Variants in FNBP1 observed in about 807,000 individuals in gnomAD.
FNBP1 encodes the protein formin-binding protein 1.
Under a neutral mutation model 90.6 loss-of-function variants are expected in FNBP1, and 26 were observed. The observed-to-expected ratio is 0.29, with a 90% CI of 0.21 to 0.40. The LOEUF is 0.40. FNBP1 is among the 10% of genes least tolerant of loss of function. FNBP1 has a pLI of 1.00. For missense variants in FNBP1, 635 were observed against 768.0 expected (o/e 0.83, Z 2.05); for synonymous variants, 260 against 265.2 (o/e 0.98, Z 0.19).
intron 9 of FNBP1, 104 bp downstream of exon 9, chr9:129,924,856 G>A: frequency 1.0e-6 from 1 of 993,256 alleles, no homozygotes; most frequent in East Asian, 2.6e-5. Context: ...TTCTTCTTTT[G>A]CATTCTGAAA....
intron 1 of FNBP1, among the ~76,000 whole-genome samples, chr9:130,019,372 AT>A (rs963480764): frequency 6.6e-6 from 1 of 151,782 alleles, no homozygotes; most frequent in African/African-American, 2.4e-5. Flanking sequence ...CAGCCAAATG[AT>A]TTTTTTTGGA....
the FNBP1 span, among the ~76,000 whole-genome samples, chr9:130,048,491 C>CTTTTTTTT: frequency 0.26 from 27,251 of 104,122 alleles, 5,751 homozygotes; most frequent in East Asian, 0.49. Context: ...CCTCAGTTTC[C>CTTTTTTTT]TTTTTTTTTT....
rs768739082 is a variant in FNBP1 at position 129,908,742 on chromosome 9, G to C, written c.1295+148C>G. 2.0e-5 allele frequency: 11 copies of C among 553,972 alleles called. No individual in the cohort carries two copies. The Admixed American group carries it at 3.1e-4, about 15-fold the overall frequency. The allele number at this position is 553,972 out of a possible 1,614,324, so 34.3% of individuals were successfully genotyped here. Reference sequence around the variant, plus strand: ...TAGTTTTTATATTTTTAGTAGAGACGGGGTTTCACCATGTAGGCCAGGATG... The same window carrying C: ...TAGTTTTTATATTTTTAGTAGAGACCGGGTTTCACCATGTAGGCCAGGATG... On this transcript the variant is annotated intron_variant, in intron 12 of 16. Transcript: ENST00000446176.
chr9:129,906,226 T>C (rs1041679977), intron 12 of FNBP1, among the ~76,000 whole-genome samples: 2 of 152,214 alleles, frequency 1.3e-5, no homozygotes, highest in Non-Finnish European at 2.9e-5. Flanking sequence ...AATTGCAGAA[T>C]ATAGATAATA....
intron 1 of FNBP1, among the ~76,000 whole-genome samples, chr9:130,011,996 C>A (rs927712773): frequency 2.0e-5 from 3 of 152,202 alleles, no homozygotes; most frequent in Non-Finnish European, 4.4e-5. Context: ...ACACCAGATA[C>A]TGACTTATTC....
chr9:129,928,665 A>AAAAAAAAG lies in FNBP1; in HGVS notation c.642+894_642+901dup, dbSNP rs1028292353. On this transcript the variant is annotated intron_variant, in intron 7 of 16. Coordinates refer to ENST00000446176, the MANE Select transcript of FNBP1 (RefSeq NM_015033.3). ...GACAGAGCAAGACTCCATCTCAAAAAAAAAAAAGAAAAAAAGAAAAAAAGA... is the reference window on the plus strand; with the variant it reads ...GACAGAGCAAGACTCCATCTCAAAAAAAAAAAAGAAAAAAAGAAAAAAAGAAAAAAAGA... Among the ~76,000 whole-genome samples, 12 of 151,974 alleles carry AAAAAAAAG rather than the reference A, an allele frequency of 7.9e-5. No individual in the cohort carries two copies. The East Asian group carries it at 1.2e-3, about 15-fold the overall frequency.
rs77369142 is a variant in FNBP1 at position 129,938,541 on chromosome 9, C to CTTTTTTTTTTT, written c.514-8857_514-8847dup. Among the ~76,000 whole-genome samples the CTTTTTTTTTTT allele has an allele frequency of 1.8e-4, 26 of 140,602 alleles. 1 individual carries two copies. The highest frequency in any genetic ancestry group is 5.0e-4 in the African/African-American group (19 of 37,968). The allele number at this position is 140,602 out of a possible 152,430, so 92.2% of individuals were successfully genotyped here. ...GAACTATTCCAGCAATTTCCTGACTCTTTTTTTTTTTTTTGAAAACAGTCT... is the reference window on the plus strand; with the variant it reads ...GAACTATTCCAGCAATTTCCTGACTCTTTTTTTTTTTTTTTTTTTTTTTTTGAAAACAGTCT... On this transcript the variant is annotated intron_variant, in intron 6 of 16. Transcript: ENST00000446176.
At chr9:129,891,398 G>A (rs959278479) in intron 16 of FNBP1, among the ~76,000 whole-genome samples, 2 of 152,230 alleles carry the variant, frequency 1.3e-5, no homozygotes, top group South Asian at 2.1e-4. Flanking sequence ...CAGGGAGGTC[G>A]AGGCTGCAGC....
At chr9:129,904,850 G>A (rs2037673747) in intron 12 of FNBP1, among the ~76,000 whole-genome samples, 1 of 152,036 alleles carries the variant, frequency 6.6e-6, no homozygotes, top group Admixed American at 6.6e-5. Context: ...TAACTTGATG[G>A]ATCCCAAGTG....
chr9:129,945,252 C>T (rs949885710), intron 6 of FNBP1, among the ~76,000 whole-genome samples: 1 of 152,154 alleles, frequency 6.6e-6, no homozygotes, highest in Non-Finnish European at 1.5e-5. Context: ...TTTGGTAATA[C>T]TTATAATAAA....
intron 6 of FNBP1, among the ~76,000 whole-genome samples, chr9:129,948,482 C>T (rs1374036146): frequency 1.3e-5 from 2 of 149,542 alleles, no homozygotes; most frequent in Non-Finnish European, 3.0e-5. Context: ...CTTCTGCCTC[C>T]GCCTCCTGAG....
intron 1 of FNBP1, among the ~76,000 whole-genome samples, chr9:130,038,181 T>C (rs866751261): frequency 7.9e-5 from 12 of 151,632 alleles, no homozygotes; most frequent in African/African-American, 2.9e-4. Flanking sequence ...AGTGAAACCC[T>C]GTCTCTACTA....
At chr9:129,982,435 C>T (rs1460031534) in intron 2 of FNBP1, among the ~76,000 whole-genome samples, 6 of 152,066 alleles carry the variant, frequency 3.9e-5, no homozygotes, top group African/African-American at 1.4e-4. Context: ...TGTGCCACTG[C>T]ACTCCAGCCT....
At chr9:129,927,408 A>C (rs1380253704) in intron 7 of FNBP1, 67 bp from the exon 8 acceptor site, 1 of 1,514,300 alleles carries the variant, frequency 6.6e-7, no homozygotes, top group African/African-American at 1.4e-5. Context: ...GTTTTTCGGC[A>C]GCATTGTTAC....
chr9:129,892,760 G>A (rs1032373766), intron 16 of FNBP1, among the ~76,000 whole-genome samples: 1 of 152,068 alleles, frequency 6.6e-6, no homozygotes, highest in Non-Finnish European at 1.5e-5. Flanking sequence ...TTGATGCGAT[G>A]GACCTGAAAT....
chr9:129,901,130 G>A (rs2131338063), intron 13 of FNBP1, among the ~76,000 whole-genome samples: 1 of 152,344 alleles, frequency 6.6e-6, no homozygotes, highest in Non-Finnish European at 1.5e-5. Flanking sequence ...GAGAAGGCCG[G>A]GCGCGGTGGC....
chr9:129,927,031 C>T (rs2042025024), intron 8 of FNBP1, among the ~76,000 whole-genome samples, 164 bp downstream of exon 8: 1 of 151,860 alleles, frequency 6.6e-6, no homozygotes, highest in African/African-American at 2.4e-5. Flanking sequence ...AATGTGTTTA[C>T]CAAAAAAGGA....
chr9:129,965,448 CTCCT>C (rs1210238155), intron 4 of FNBP1, among the ~76,000 whole-genome samples: 1 of 152,188 alleles, frequency 6.6e-6, no homozygotes, highest in African/African-American at 2.4e-5. Context: ...TTTTCCCTCC[CTCCT>C]TCTCTGGCTA....
chr9:129,909,697 C>G (rs575537445), intron 11 of FNBP1, among the ~76,000 whole-genome samples: 2 of 152,174 alleles, frequency 1.3e-5, no homozygotes, highest in South Asian at 4.1e-4. Context: ...GATCTCAGCT[C>G]ACTGCAACCT....
Sources: gnomAD v4.1 joint callset for allele counts (sites outside exome capture counted in the v4.1 genomes callset) on GRCh38, gnomAD v4.1.1 for gene constraint, MANE v1.5 for transcripts, NCBI Gene and HGNC (gene_info 2026-07-23, HGNC 2026-07-21) for gene names.